RPL19: variants seen among roughly 807,000 people sequenced by gnomAD.
The protein encoded by RPL19 is large ribosomal subunit protein eL19.
RPL19 carries 2 observed loss-of-function variants against 25.1 expected under a neutral mutation model. The observed-to-expected ratio is 0.08, with a 90% CI of 0.03 to 0.25. RPL19 has a LOEUF of 0.25. Ranked by LOEUF, RPL19 falls within the 10% of genes least tolerant of loss-of-function variation. The pLI is 1.00. For synonymous variants in RPL19, 89 were observed against 91.2 expected, an observed-to-expected ratio of 0.98 and a Z score of 0.14; for missense variants, 123 against 271.8, an observed-to-expected ratio of 0.45 and a Z score of 3.85.
intron 1 of RPL19, 141 bp from the exon 2 acceptor site, chr17:39,201,072 G>A (rs774604033): frequency 3.0e-6 from 2 of 671,504 alleles, no homozygotes; most frequent in South Asian, 1.8e-5. Context: ...CAGCTGCATA[G>A]CCCAGAGCCT....
chr17:39,202,449 G>T lies in RPL19; in HGVS notation c.235+10G>T. ...AGGCACATGGGCATAGGTAAGTGTG[G>T]TCATCTTCTCCTTAAGAAATGATAG... On this transcript the variant is annotated intron_variant, in intron 3 of 5. Transcript: ENST00000225430. 6.2e-7 allele frequency: 1 copy of T among 1,614,088 alleles called. No homozygotes were observed. The highest frequency in any genetic ancestry group is 8.5e-7 in the Non-Finnish European group (1 of 1,179,968).
intron 1 of RPL19, chr17:39,200,837 C>A: frequency 1.1e-6 from 1 of 900,516 alleles, no homozygotes. Flanking sequence ...TGTGATAAAA[C>A]AGGGAAATAA....
At position 39,204,514 on chromosome 17, in the gene RPL19, T is replaced by A. The variant is rs113116636; in HGVS notation, c.468-11T>A. The A allele has an allele frequency of 1.9e-5, 30 of 1,614,016 alleles. 2 individuals carry two copies. In the African/African-American group the frequency reaches 2.5e-4, roughly 14 times the overall value. On this transcript the variant is annotated splice_polypyrimidine_tract_variant and intron_variant, in intron 5 of 5. Coordinates refer to ENST00000225430, the MANE Select transcript of RPL19 (RefSeq NM_000981.4). ...TCCCAAACTGACCCGTCTTTTCTCT[T>A]CCCTGACCAGTGACCAGGCTGAGGC...
At position 39,204,636 on chromosome 17, in the gene RPL19, G is replaced by A. The variant is rs753150645; in HGVS notation, c.579G>A (p.Glu193=). The A allele has an allele frequency of 1.1e-5, 18 of 1,614,066 alleles. No individual in the cohort carries two copies. In the African/African-American group the frequency reaches 2.1e-4, roughly 19 times the overall value. ...EIIKTLSKEE[E]TKK is the part of the protein sequence containing the mutation. The stretch of plus-strand genomic sequence containing the variant: ...TCAAGACTTTATCCAAGGAGGAAGA[G>A]ACCAAGAAATAAAACCTCCCACTTT... The change falls in exon 6 of 6, where the codon GAG becomes GAA. Residue 193 remains glutamate (E), a synonymous_variant. Coordinates refer to ENST00000225430, the MANE Select transcript of RPL19 (RefSeq NM_000981.4).
At chr17:39,200,823 T>C in intron 1 of RPL19, 2 of 963,336 alleles carry the variant, frequency 2.1e-6, no homozygotes, top group Non-Finnish European at 2.5e-6. Context: ...ACGAGGCTTG[T>C]TACTGTGATA....
At chr17:39,204,209 T>A in intron 5 of RPL19, 22 bp downstream of exon 5, 1 of 1,393,778 alleles carries the variant, frequency 7.2e-7, no homozygotes, top group Non-Finnish European at 1.0e-6. Context: ...TTCAGAGTCT[T>A]AGGGGAACAT....
At chr17:39,201,155 CG>C (rs1567821266) in intron 1 of RPL19, 57 bp from the exon 2 acceptor site, 3 of 1,120,576 alleles carry the variant, frequency 2.7e-6, no homozygotes, top group Middle Eastern at 2.0e-4. Flanking sequence ...TTGATGGGGA[CG>C]TTCATTCTTG....
chr17:39,201,661 C>T lies in RPL19; in HGVS notation c.112+342C>T, dbSNP rs142812918. 1.4e-4 allele frequency among the ~76,000 whole-genome samples: 21 copies of T among 152,278 alleles called. No homozygotes were observed. In the East Asian group the frequency reaches 2.9e-3, roughly 21 times the overall value. On this transcript the variant is annotated intron_variant, in intron 2 of 5. Transcript: ENST00000225430. ...GATCTCAGCTCACCGCAACCTCTGC[C>T]TCCCAGGTTCAAGCGATTCTCCTTC...
At chr17:39,201,782 G>C (rs1474674187) in intron 2 of RPL19, among the ~76,000 whole-genome samples, 1 of 151,992 alleles carries the variant, frequency 6.6e-6, no homozygotes, top group Non-Finnish European at 1.5e-5. Context: ...ATGTTGGTCA[G>C]GCTGGTCTCA....
At position 39,202,615 on chromosome 17, in the gene RPL19, A is replaced by G. The variant is rs552446051; in HGVS notation, c.235+176A>G. On this transcript the variant is annotated intron_variant, in intron 3 of 5. Transcript: ENST00000225430. ...TGGTGCTGGTATTGGAATTGAGAGT[A>G]TCCCTGGTAGGAGGTCACATTTACT... is the stretch of plus-strand genomic sequence containing the variant. 1.0e-3 allele frequency: 771 copies of G among 756,704 alleles called. 2 individuals are homozygous for G. The highest frequency in any genetic ancestry group is 3.1e-3 in the Middle Eastern group (13 of 4,144). 46.9% of individuals were successfully genotyped at this position (756,704 alleles called of 1,614,324 possible). A position where few individuals can be genotyped will look rare whatever the true frequency, so the allele number is the denominator to read the frequency against.
intron 5 of RPL19, 48 bp from the exon 6 acceptor site, chr17:39,204,477 C>G: frequency 6.2e-7 from 1 of 1,609,034 alleles, no homozygotes; most frequent in Non-Finnish European, 8.5e-7. Context: ...GTCTCCCTAG[C>G]ATCTCATCTC....
intron 2 of RPL19, 80 bp downstream of exon 2, chr17:39,201,399 A>AC (rs1439564192): frequency 1.7e-4 from 136 of 781,086 alleles, no homozygotes; most frequent in Non-Finnish European, 2.1e-4. Flanking sequence ...AATTGTGTTG[A>AC]CTTTTTTTTT....
chr17:39,203,937 T>C (rs977284446), intron 4 of RPL19, 140 bp from the exon 5 acceptor site: 12 of 594,190 alleles, frequency 2.0e-5, no homozygotes, highest in Non-Finnish European at 3.7e-5. Context: ...AAAAAAGTCA[T>C]GGTTTAGGAA....
At position 39,201,433 on chromosome 17, in the gene RPL19, T is replaced by C. The variant is rs1271547128; in HGVS notation, c.112+114T>C. ...TTTTTTTTTAGACAGTCTTGCTCTG[T>C]TGTCCAGGCTGGAGTGTAGTGGTGC... On this transcript the variant is annotated intron_variant, in intron 2 of 5. Transcript: ENST00000225430. The C allele has an allele frequency of 1.1e-5, 7 of 665,074 alleles. No individual in the cohort carries two copies. In the East Asian group the frequency reaches 1.6e-4, roughly 15 times the overall value. The allele number at this position is 665,074 out of a possible 1,614,324, so 41.2% of individuals were successfully genotyped here. A position where few individuals can be genotyped will look rare whatever the true frequency, so the allele number is the denominator to read the frequency against.
intron 1 of RPL19, 61 bp from the exon 2 acceptor site, chr17:39,201,152 G>A: frequency 9.1e-7 from 1 of 1,097,474 alleles, no homozygotes; most frequent in Non-Finnish European, 1.4e-6. Flanking sequence ...GTCTTGATGG[G>A]GACGTTCATT....
rs1467043005 is a variant in RPL19, at chr17:39,204,145, T to C, written c.425T>C (p.Ile142Thr). The C allele has an allele frequency of 1.2e-6, 2 of 1,613,386 alleles. No individual in the cohort carries two copies. Among genetic ancestry groups the C allele is most frequent in the South Asian group, 1.1e-5 (1 of 91,080 alleles). Residue 142 changes from isoleucine (I) to threonine (T), a missense_variant, in exon 5 of 6, where the codon ATC becomes ACC. Transcript: ENST00000225430. Reference sequence around the variant, plus strand: ...AACAAGCGGATTCTCATGGAACACATCCACAAGCTGAAGGCAGACAAGGCC... The same window carrying C: ...AACAAGCGGATTCTCATGGAACACACCCACAAGCTGAAGGCAGACAAGGCC... ...FKNKRILMEH[I>T]HKLKADKARK...
At chr17:39,202,076 TGGGCAACATA>T (rs751001131) in intron 2 of RPL19, among the ~76,000 whole-genome samples, 1 of 152,222 alleles carries the variant, frequency 6.6e-6, no homozygotes, top group Non-Finnish European at 1.5e-5. Flanking sequence ...AAGACCGGCC[TGGGCAACATA>T]GGGAGACTGT....
intron 3 of RPL19, 85 bp from the exon 4 acceptor site, chr17:39,202,904 C>A: frequency 6.7e-7 from 1 of 1,483,560 alleles, no homozygotes; most frequent in Non-Finnish European, 9.4e-7. Flanking sequence ...GAGTTAAGGA[C>A]CCTGACTTGA....
intron 1 of RPL19, 150 bp from the exon 2 acceptor site, chr17:39,201,063 A>ATTGGCC (rs1567821213): frequency 1.6e-6 from 1 of 617,622 alleles, no homozygotes; most frequent in Non-Finnish European, 2.9e-6. Context: ...CAAGGGGGCC[A>ATTGGCC]GCTGCATAGC....
Sources: allele counts gnomAD v4.1 joint callset (sites outside exome capture counted in the v4.1 genomes callset), GRCh38; gene constraint gnomAD v4.1.1; transcripts MANE v1.5; gene names NCBI Gene and HGNC (gene_info 2026-07-23, HGNC 2026-07-21).